Variants in LRRC17 observed in about 807,000 individuals in gnomAD.
The protein encoded by LRRC17 is leucine rich repeat containing 17, also known as leucine-rich repeat-containing protein 17.
A neutral mutation model predicts 41.5 loss-of-function variants in LRRC17; 33 were observed. The observed-to-expected ratio is 0.80, with a 90% CI of 0.60 to 1.06. The LOEUF (loss-of-function observed/expected upper bound fraction) is 1.06. Among genes scored for constraint, LRRC17 ranks in the 50% least tolerant of loss-of-function variants. LRRC17 has a pLI of 0.00. For missense variants in LRRC17, 491 were observed against 519.3 expected (o/e 0.95, Z 0.53); for synonymous variants, 192 against 197.0 (o/e 0.97, Z 0.21).
chr7:102,927,715 T>C (rs1218543935), intron 1 of LRRC17, among the ~76,000 whole-genome samples: 2 of 152,148 alleles, frequency 1.3e-5, no homozygotes, highest in Non-Finnish European at 2.9e-5. Flanking sequence ...TAAACACTAC[T>C]CTTAACTACA....
At chr7:102,943,027 A>C (rs1413024685) in intron 3 of LRRC17, among the ~76,000 whole-genome samples, 1 of 152,024 alleles carries the variant, frequency 6.6e-6, no homozygotes, top group Non-Finnish European at 1.5e-5. Context: ...TATTGGTTTT[A>C]ATTATCCAGC....
rs1340365639 is a variant in LRRC17 at position 102,933,787 on chromosome 7, C to T, written c.-127C>T. 7 of 981,362 alleles carry T rather than the reference C, an allele frequency of 7.1e-6. No individual in the cohort carries two copies. The highest frequency in any genetic ancestry group is 1.0e-5 in the Non-Finnish European group (7 of 676,696). 60.8% of individuals were successfully genotyped at this position (981,362 alleles called of 1,614,324 possible). A position where few individuals can be genotyped will look rare whatever the true frequency, so the allele number is the denominator to read the frequency against. On this transcript the variant is annotated 5_prime_UTR_variant, in exon 2 of 4. In the 5' UTR this introduces an upstream ATG that the reference lacks. Coordinates refer to ENST00000339431, the MANE Select transcript of LRRC17 (RefSeq NM_001031692.3). ...TTTCTCTTCCAGCCTAGGGACTCCA[C>T]GTACCCCAGCTGGGTCTCATTGTTC...
chr7:102,917,818 G>A (rs532755724), intron 1 of LRRC17, among the ~76,000 whole-genome samples: 1 of 152,184 alleles, frequency 6.6e-6, no homozygotes, highest in Non-Finnish European at 1.5e-5. Context: ...TGCCAAATGA[G>A]GTGCTGAGAG....
chr7:102,917,256 T>C (rs191345381), intron 1 of LRRC17, among the ~76,000 whole-genome samples: 91 of 152,338 alleles, frequency 6.0e-4, no homozygotes, highest in Admixed American at 1.8e-3. Context: ...GGTGAGACTA[T>C]AGATCATGAT....
At position 102,934,080 on chromosome 7, in the gene LRRC17, T is replaced by G. The variant is rs1819774744; in HGVS notation, c.167T>G (p.Val56Gly). The change falls in exon 2 of 4, where the codon GTG becomes GGG. Residue 56 changes from valine (V) to glycine (G), a missense_variant. Physicochemically the swap from Val to Gly is moderately radical, Grantham distance 109. Coordinates refer to ENST00000339431, the MANE Select transcript of LRRC17 (RefSeq NM_001031692.3). Reference sequence around the variant, plus strand: ...TACGCACCAGGCCTCCCGTGTGACGTGTACACATATCTCCATGAGAAATAC... The same window carrying G: ...TACGCACCAGGCCTCCCGTGTGACGGGTACACATATCTCCATGAGAAATAC... The part of the protein sequence containing the change: ...KRYAPGLPCD[V>G]YTYLHEKYLD... The G allele has an allele frequency of 6.2e-7, 1 of 1,614,092 alleles. No individual in the cohort carries two copies. Among genetic ancestry groups the G allele is most frequent in the East Asian group, 2.2e-5 (1 of 44,900 alleles).
At chr7:102,915,830 TA>T (rs1815744316) in intron 1 of LRRC17, among the ~76,000 whole-genome samples, 1 of 152,226 alleles carries the variant, frequency 6.6e-6, no homozygotes, top group Admixed American at 6.5e-5. Flanking sequence ...GATTGTGAAC[TA>T]TCAGTGATAT....
At chr7:102,927,720 A>G (rs1006612347) in intron 1 of LRRC17, among the ~76,000 whole-genome samples, 2 of 152,188 alleles carry the variant, frequency 1.3e-5, no homozygotes, top group African/African-American at 4.8e-5. Context: ...ACTACTCTTA[A>G]CTACAGTATT....
chr7:102,923,548 C>A (rs537627046), intron 1 of LRRC17, among the ~76,000 whole-genome samples: 1 of 152,118 alleles, frequency 6.6e-6, no homozygotes, highest in African/African-American at 2.4e-5. Context: ...TAAGGCCGGG[C>A]GCGGTGGCTC....
intron 1 of LRRC17, among the ~76,000 whole-genome samples, chr7:102,914,991 G>A (rs1057050720): frequency 1.5e-4 from 23 of 152,226 alleles, no homozygotes; most frequent in African/African-American, 5.5e-4. Context: ...GGCAGGCCGC[G>A]TGACACAGTG....
At chr7:102,930,533 G>A (rs1740230133) in intron 1 of LRRC17, among the ~76,000 whole-genome samples, 1 of 152,152 alleles carries the variant, frequency 6.6e-6, no homozygotes, top group Non-Finnish European at 1.5e-5. Flanking sequence ...TGAAACTGTT[G>A]AAGCAATAAT....
intron 1 of LRRC17, among the ~76,000 whole-genome samples, chr7:102,929,663 C>CAAAAAA (rs35025022): frequency 4.4e-5 from 4 of 91,466 alleles, no homozygotes; most frequent in Admixed American, 1.4e-4. Context: ...GACTCCATCT[C>CAAAAAA]AAAAAAAAAA....
rs1285033311 is a variant in LRRC17, at chr7:102,944,095, T to TCCCC, written c.929-115_929-114insCCCC. 2.3e-4 allele frequency: 195 copies of TCCCC among 830,060 alleles called. 1 individual carries two copies. In the Middle Eastern group the frequency reaches 5.9e-3, roughly 25 times the overall value. 51.4% of individuals were successfully genotyped at this position (830,060 alleles called of 1,614,324 possible). On this transcript the variant is annotated intron_variant, in intron 3 of 3. Coordinates refer to ENST00000339431, the MANE Select transcript of LRRC17 (RefSeq NM_001031692.3). Reference sequence around the variant, plus strand: ...GAAAAAGAAAGGAAAAGAAATCTCTTTATTTTCAAAGGGGAAAATTAAGCC... The same window carrying TCCCC: ...GAAAAAGAAAGGAAAAGAAATCTCTTCCCCTATTTTCAAAGGGGAAAATTAAGCC...
chr7:102,939,326 C>T, intron 2 of LRRC17, 104 bp from the exon 3 acceptor site: 2 of 942,166 alleles, frequency 2.1e-6, no homozygotes, highest in Admixed American at 2.5e-5. Context: ...ATCCCTTTAC[C>T]CCTTCTCTTT....
At chr7:102,939,389 C>A in intron 2 of LRRC17, 41 bp from the exon 3 acceptor site, 2 of 1,546,090 alleles carry the variant, frequency 1.3e-6, no homozygotes, top group South Asian at 1.2e-5. Flanking sequence ...GAAATGGGGG[C>A]AAAAAGAGCA....
chr7:102,939,895 T>G (rs577377912), intron 3 of LRRC17, among the ~76,000 whole-genome samples: 54 of 140,548 alleles, frequency 3.8e-4, no homozygotes, highest in Admixed American at 7.6e-4. Context: ...AATGTAGTGG[T>G]TTTTTTTTTG....
Position 102,933,945 on chromosome 7 carries a change from G to A in LRRC17, c.32G>A (p.Cys11Tyr). ...GTGGTTACCATTGTAATCTTGCTCT[G>A]CTTTTGCAAAGCGGCTGAGCTGCGC... MRVVTIVILL[C>Y]FCKAAELRKA... is the part of the protein sequence containing the mutation. The change falls in exon 2 of 4, where the codon TGC (cysteine) becomes TAC (tyrosine). Residue 11 changes from cysteine (C) to tyrosine (Y), a missense_variant. By Grantham distance (194) the Cys-to-Tyr change is radical. Coordinates refer to ENST00000339431, the MANE Select transcript of LRRC17 (RefSeq NM_001031692.3). 1 of 1,612,506 alleles carries A rather than the reference G, an allele frequency of 6.2e-7. No individual in the cohort carries two copies. Among genetic ancestry groups the A allele is most frequent in the Non-Finnish European group, 8.5e-7 (1 of 1,178,934 alleles).
At chr7:102,935,954 T>A (rs1563117643) in intron 2 of LRRC17, among the ~76,000 whole-genome samples, 1 of 152,170 alleles carries the variant, frequency 6.6e-6, no homozygotes, top group Non-Finnish European at 1.5e-5. Context: ...TTTATTAATG[T>A]TGTCAGGCAT....
intron 1 of LRRC17, among the ~76,000 whole-genome samples, chr7:102,927,665 T>G (rs1007985041): frequency 6.6e-6 from 1 of 152,210 alleles, no homozygotes; most frequent in East Asian, 1.9e-4. Flanking sequence ...GAAGGTTCTA[T>G]GCACCCATGC....
intron 2 of LRRC17, 93 bp downstream of exon 2, chr7:102,934,778 T>A: frequency 1.8e-6 from 2 of 1,142,396 alleles, no homozygotes; most frequent in Non-Finnish European, 2.5e-6. Flanking sequence ...TGTCTTGGAA[T>A]TCGTGATGTC....
Sources: gnomAD v4.1 joint callset for allele counts (sites outside exome capture counted in the v4.1 genomes callset) on GRCh38, gnomAD v4.1.1 for gene constraint, MANE v1.5 for transcripts, NCBI Gene and HGNC (gene_info 2026-07-23, HGNC 2026-07-21) for gene names.